SDK1: variants seen among roughly 807,000 people sequenced by gnomAD.
SDK1 encodes protein sidekick-1.
A neutral mutation model predicts 245.5 loss-of-function variants in SDK1; 157 were observed. The observed-to-expected ratio is 0.64, with a 90% CI of 0.56 to 0.73. The LOEUF (loss-of-function observed/expected upper bound fraction) is 0.73. Among genes scored for constraint, SDK1 ranks in the 30% least tolerant of loss-of-function variants. The pLI, the probability that SDK1 is intolerant of heterozygous loss-of-function variation, is 0.00. For missense variants in SDK1, 3,583 were observed against 3,002.3 expected (o/e 1.19, Z -4.52); for synonymous variants, 1,647 against 1,278.5 (o/e 1.29, Z -6.15).
At chr7:4,048,896 G>A (rs1224761426) in intron 17 of SDK1, among the ~76,000 whole-genome samples, 5 of 152,184 alleles carry the variant, frequency 3.3e-5, no homozygotes, top group African/African-American at 7.2e-5. Context: ...ATGGGACAAG[G>A]GTGATGATTT....
intron 5 of SDK1, among the ~76,000 whole-genome samples, chr7:3,875,604 A>C (rs73312066): frequency 0.011 from 1,701 of 152,206 alleles, 23 homozygotes; most frequent in African/African-American, 0.039. Flanking sequence ...CATCTCTCTC[A>C]GCTCTATGGG....
At chr7:4,051,926 G>A (rs894502774) in intron 19 of SDK1, 96 bp downstream of exon 19, 16 of 1,184,752 alleles carry the variant, frequency 1.4e-5, no homozygotes, top group Middle Eastern at 2.3e-4. Context: ...GGTGGATCAC[G>A]AGGAGGCCCC....
chr7:3,661,697 T>C (rs1315589821), intron 4 of SDK1, among the ~76,000 whole-genome samples: 2 of 152,214 alleles, frequency 1.3e-5, no homozygotes, highest in Non-Finnish European at 2.9e-5. Context: ...GGAATATATA[T>C]GATTTGGAAA....
intron 4 of SDK1, among the ~76,000 whole-genome samples, chr7:3,782,631 C>T (rs530068011): frequency 1.3e-5 from 2 of 152,226 alleles, no homozygotes; most frequent in African/African-American, 4.8e-5. Context: ...TCAGCAGAAG[C>T]CATGCAGACA....
intron 1 of SDK1, among the ~76,000 whole-genome samples, chr7:3,473,897 C>A (rs1781260654): frequency 6.6e-6 from 1 of 151,912 alleles, no homozygotes; most frequent in Non-Finnish European, 1.5e-5. Context: ...GCTACCACAG[C>A]AGTGAAGGGT....
intron 1 of SDK1, among the ~76,000 whole-genome samples, chr7:3,368,790 T>G (rs1781153156): frequency 6.6e-6 from 1 of 152,216 alleles, no homozygotes; most frequent in African/African-American, 2.4e-5. Flanking sequence ...CACAAAGCAC[T>G]TAGAACCGTG....
At chr7:3,589,431 G>C (rs1044289143) in intron 1 of SDK1, among the ~76,000 whole-genome samples, 2 of 152,160 alleles carry the variant, frequency 1.3e-5, no homozygotes, top group Non-Finnish European at 2.9e-5. Context: ...CCTCCATGGC[G>C]CCTCCCCATG....
chr7:3,556,843 T>C (rs1779601341), intron 1 of SDK1, among the ~76,000 whole-genome samples: 1 of 152,092 alleles, frequency 6.6e-6, no homozygotes, highest in South Asian at 2.1e-4. Flanking sequence ...TTGGATTGTT[T>C]GTAACACAAA....
At chr7:3,797,963 A>G (rs1779005334) in intron 4 of SDK1, among the ~76,000 whole-genome samples, 1 of 152,176 alleles carries the variant, frequency 6.6e-6, no homozygotes, top group Non-Finnish European at 1.5e-5. Context: ...AAGAGTTGCA[A>G]GAGAGTTCTG....
At chr7:3,421,924 C>G (rs1408765208) in intron 1 of SDK1, among the ~76,000 whole-genome samples, 2 of 152,138 alleles carry the variant, frequency 1.3e-5, no homozygotes, top group Non-Finnish European at 2.9e-5. Flanking sequence ...AATCCCAGCA[C>G]TTCTGGAGGC....
intron 8 of SDK1, among the ~76,000 whole-genome samples, chr7:3,960,654 C>T (rs1209014142): frequency 6.6e-6 from 1 of 152,204 alleles, no homozygotes; most frequent in Non-Finnish European, 1.5e-5. Context: ...GAGTTCTGGT[C>T]CTCAGCTCCT....
chr7:3,656,518 C>T (rs559123983), intron 4 of SDK1, among the ~76,000 whole-genome samples: 1 of 152,164 alleles, frequency 6.6e-6, no homozygotes, highest in East Asian at 1.9e-4. Flanking sequence ...CTGCTGGAGT[C>T]AAAAATTAAG....
At chr7:3,448,954 G>C (rs1330181848) in intron 1 of SDK1, among the ~76,000 whole-genome samples, 2 of 152,100 alleles carry the variant, frequency 1.3e-5, no homozygotes, top group South Asian at 2.1e-4. Flanking sequence ...TCACTAATCA[G>C]CTTGCAACCT....
At chr7:3,950,337 G>A (rs1310058651) in intron 5 of SDK1, among the ~76,000 whole-genome samples, 4 of 152,162 alleles carry the variant, frequency 2.6e-5, no homozygotes, top group Admixed American at 2.6e-4. Flanking sequence ...TCTGACAATA[G>A]TCTTCATTTG....
intron 28 of SDK1, among the ~76,000 whole-genome samples, chr7:4,137,670 C>T (rs1779182022): frequency 6.6e-6 from 1 of 152,350 alleles, no homozygotes; most frequent in South Asian, 2.1e-4. Context: ...CACCCATACC[C>T]TTAAAAACAG....
chr7:3,394,903 G>C (rs776107278), intron 1 of SDK1, among the ~76,000 whole-genome samples: 3 of 151,804 alleles, frequency 2.0e-5, no homozygotes, highest in Non-Finnish European at 2.9e-5. Context: ...TAGTTTTTTT[G>C]TGGACTCTTT....
At chr7:3,553,918 C>A (rs970288451) in intron 1 of SDK1, among the ~76,000 whole-genome samples, 2 of 152,150 alleles carry the variant, frequency 1.3e-5, no homozygotes, top group African/African-American at 2.4e-5. Context: ...CCCGTGGGAG[C>A]CCCCATCAGA....
chr7:3,605,084 G>T (rs1781377634), intron 1 of SDK1, among the ~76,000 whole-genome samples: 1 of 150,422 alleles, frequency 6.6e-6, no homozygotes. Flanking sequence ...TTGTTTACTA[G>T]TCTAGGATGT....
intron 4 of SDK1, among the ~76,000 whole-genome samples, chr7:3,718,168 A>G (rs892667381): frequency 7.2e-5 from 11 of 152,122 alleles, no homozygotes; most frequent in African/African-American, 2.2e-4. Flanking sequence ...AAGAAACTTT[A>G]TGAGCATATC....
Sources: allele counts gnomAD v4.1 joint callset (sites outside exome capture counted in the v4.1 genomes callset), GRCh38; gene constraint gnomAD v4.1.1; transcripts MANE v1.5; gene names NCBI Gene and HGNC (gene_info 2026-07-23, HGNC 2026-07-21).